Variants in AFAP1L2 observed in about 807,000 individuals in gnomAD.
AFAP1L2 encodes the protein actin filament associated protein 1 like 2, also known as actin filament-associated protein 1-like 2.
AFAP1L2 carries 46 observed loss-of-function variants against 99.3 expected under a neutral mutation model. That is an observed-to-expected ratio of 0.46 (90% CI 0.37 to 0.59). The LOEUF is 0.59. Ranked by LOEUF, AFAP1L2 falls within the 20% of genes least tolerant of loss-of-function variation. The pLI is 0.00. For synonymous variants in AFAP1L2, 397 were observed against 419.1 expected (o/e 0.95, Z 0.64); for missense variants, 959 against 1,034.9 (o/e 0.93, Z 1.01).
the AFAP1L2 span, among the ~76,000 whole-genome samples, chr10:114,288,724 T>G: frequency 5.9e-5 from 9 of 152,286 alleles, no homozygotes; most frequent in African/African-American, 2.2e-4. Flanking sequence ...TGCCAGGAAG[T>G]CTGGGAAATG....
At chr10:114,326,070 G>T in intron 4 of AFAP1L2, 1 of 1,281,152 alleles carries the variant, frequency 7.8e-7, no homozygotes, top group South Asian at 1.2e-5. Context: ...AGGGAGGAGT[G>T]AACCCTTCTG....
the AFAP1L2 span, among the ~76,000 whole-genome samples, chr10:114,284,156 C>T: frequency 6.6e-6 from 1 of 152,046 alleles, no homozygotes; most frequent in Non-Finnish European, 1.5e-5. Context: ...GAATGGGCCA[C>T]ATTTTGACAC....
Position 114,326,146 on chromosome 10 carries a change from G to A in AFAP1L2, c.316-2885C>T, listed in dbSNP as rs561516324. The A allele has an allele frequency of 1.4e-4, 119 of 837,798 alleles. No homozygotes were observed. The African/African-American group carries it at 1.8e-3, about 13-fold the overall frequency. The allele number at this position is 837,798 out of a possible 1,614,324, so 51.9% of individuals were successfully genotyped here. Reference sequence around the variant, plus strand: ...CCTGGGGGCCTCCTGTCCTGTCTAGGGTGGAGCCAGGCAGTGTTTTGTGAG... The same window carrying A: ...CCTGGGGGCCTCCTGTCCTGTCTAGAGTGGAGCCAGGCAGTGTTTTGTGAG... On this transcript the variant is annotated intron_variant, in intron 4 of 18. Transcript: ENST00000304129.
At chr10:114,341,923 A>T (rs1359785759) in intron 1 of AFAP1L2, among the ~76,000 whole-genome samples, 2 of 152,232 alleles carry the variant, frequency 1.3e-5, no homozygotes, top group Non-Finnish European at 2.9e-5. Flanking sequence ...AACTGAGACA[A>T]GTCTCAGAGC....
In AFAP1L2 at chr10:114,295,807, T is replaced by A; in HGVS notation, c.*235A>T. 1.5e-6 allele frequency: 2 copies of A among 1,331,440 alleles called. No homozygotes were observed. Among genetic ancestry groups the A allele is most frequent in the South Asian group, 4.3e-5 (2 of 46,382 alleles). 82.5% of individuals were successfully genotyped at this position (1,331,440 alleles called of 1,614,324 possible). A position where few individuals can be genotyped will look rare whatever the true frequency, so the allele number is the denominator to read the frequency against. ...CAGAACATCCCTAAATACAACGTCT[T>A]GTTTACATCCAATAGACTTAGGTCT... On this transcript the variant is annotated 3_prime_UTR_variant, in exon 19 of 19. Transcript: ENST00000304129.
chr10:114,340,847 G>A, intron 1 of AFAP1L2, 116 bp from the exon 2 acceptor site: 2 of 1,482,608 alleles, frequency 1.3e-6, no homozygotes, highest in Non-Finnish European at 1.9e-6. Flanking sequence ...CCAAGAGGAA[G>A]GGTTTGGTGT....
At chr10:114,305,736 A>G (rs2042195844) in intron 10 of AFAP1L2, among the ~76,000 whole-genome samples, 2 of 116,224 alleles carry the variant, frequency 1.7e-5, no homozygotes, top group Non-Finnish European at 1.8e-5. Flanking sequence ...GAGGAGATGC[A>G]GATGCAGGAG....
intron 1 of AFAP1L2, among the ~76,000 whole-genome samples, chr10:114,362,177 C>T (rs184366561): frequency 1.0e-3 from 159 of 152,274 alleles, no homozygotes; most frequent in African/African-American, 3.7e-3. Context: ...GAATTAAATG[C>T]AATGACACAT....
intron 1 of AFAP1L2, among the ~76,000 whole-genome samples, chr10:114,374,832 G>A (rs2054587631): frequency 7.1e-6 from 1 of 139,982 alleles, no homozygotes; most frequent in South Asian, 2.7e-4. Context: ...TGGAGGATGG[G>A]GGCAGAGGGA....
intron 1 of AFAP1L2, among the ~76,000 whole-genome samples, chr10:114,363,918 C>T (rs926323866): frequency 3.3e-5 from 5 of 152,156 alleles, no homozygotes; most frequent in African/African-American, 7.2e-5. Flanking sequence ...AGTGCCTTGC[C>T]CAAAGACACA....
At chr10:114,284,552 A>T in the AFAP1L2 span, among the ~76,000 whole-genome samples, 3 of 152,184 alleles carry the variant, frequency 2.0e-5, no homozygotes, top group African/African-American at 7.2e-5. Flanking sequence ...GCTCTCTCTC[A>T]GTCTTGAGGC....
chr10:114,307,113 GCTC>G (rs368753098), intron 10 of AFAP1L2, among the ~76,000 whole-genome samples: 10 of 152,272 alleles, frequency 6.6e-5, no homozygotes, highest in Non-Finnish European at 7.3e-5. Context: ...AAGGCTTGTC[GCTC>G]CTCCTAACCT....
At chr10:114,306,429 A>G (rs1469629279) in intron 10 of AFAP1L2, among the ~76,000 whole-genome samples, 1 of 114,154 alleles carries the variant, frequency 8.8e-6, no homozygotes, top group African/African-American at 3.5e-5. Context: ...GCTTCCTTAG[A>G]GTCCCCCAGA....
At chr10:114,340,026 G>T in intron 2 of AFAP1L2, among the ~76,000 whole-genome samples, 1 of 46,676 alleles carries the variant, frequency 2.1e-5, no homozygotes, top group South Asian at 7.8e-4. Context: ...AAAAAAAAAA[G>T]AGAGAGAGAG....
At chr10:114,401,331 G>C (rs1021992742) in intron 1 of AFAP1L2, among the ~76,000 whole-genome samples, 7 of 152,294 alleles carry the variant, frequency 4.6e-5, no homozygotes, top group Middle Eastern at 6.8e-3. Flanking sequence ...CCACTCACCA[G>C]CTGGGAGAGC....
At chr10:114,391,666 G>C (rs1040197065) in intron 1 of AFAP1L2, among the ~76,000 whole-genome samples, 2 of 152,206 alleles carry the variant, frequency 1.3e-5, no homozygotes, top group African/African-American at 2.4e-5. Context: ...CGGCCATGAG[G>C]GTTGTACAAG....
At chr10:114,404,124 G>T (rs2058496754) in intron 1 of AFAP1L2, among the ~76,000 whole-genome samples, 1 of 152,292 alleles carries the variant, frequency 6.6e-6, no homozygotes, top group East Asian at 1.9e-4. Context: ...TGTGCGGCGG[G>T]ACTGAGGGTG....
chr10:114,346,510 G>A (rs114584860), intron 1 of AFAP1L2, among the ~76,000 whole-genome samples: 4,005 of 152,252 alleles, frequency 0.026, 173 homozygotes, highest in African/African-American at 0.09. Context: ...CAAGGCCCCA[G>A]AGTGCCAACC....
chr10:114,341,717 T>G (rs1444718057), intron 1 of AFAP1L2, among the ~76,000 whole-genome samples: 3 of 152,048 alleles, frequency 2.0e-5, no homozygotes, highest in Non-Finnish European at 4.4e-5. Flanking sequence ...TCCCCCGTGG[T>G]CACTGTCATA....
Sources: allele counts gnomAD v4.1 joint callset (sites outside exome capture counted in the v4.1 genomes callset), GRCh38; gene constraint gnomAD v4.1.1; transcripts MANE v1.5; gene names NCBI Gene and HGNC (gene_info 2026-07-23, HGNC 2026-07-21).